The following LIFR variants were observed in gnomAD, a reference collection of about 807,000 sequenced individuals.
LIFR encodes LIF receptor subunit alpha.
In LIFR, 84 loss-of-function variants were observed where a neutral mutation model predicts 122.2. That is an observed-to-expected ratio of 0.69 (90% CI 0.58 to 0.82). LIFR has a LOEUF of 0.82. Ranked by LOEUF, LIFR falls within the 40% of genes least tolerant of loss-of-function variation. LIFR has a pLI of 0.00. For synonymous variants in LIFR, 422 were observed against 434.7 expected, an observed-to-expected ratio of 0.97 and a Z score of 0.36; for missense variants, 1,294 against 1,311.6, an observed-to-expected ratio of 0.99 and a Z score of 0.21.
At chr5:38,509,562 AT>A (rs1265935190) in intron 7 of LIFR, among the ~76,000 whole-genome samples, 1 of 152,188 alleles carries the variant, frequency 6.6e-6, no homozygotes, top group African/African-American at 2.4e-5. Context: ...GCTGAGAATC[AT>A]AAAAAGAAAG....
In LIFR at chr5:38,569,671, C is replaced by A. The variant is rs1263352725; in HGVS notation, c.-20+25590G>T. The stretch of plus-strand genomic sequence containing the variant: ...TCCCTGGTGCCAGAAAGTTTGGGGA[C>A]CGCTGCCCTACTGTGTGTCTTACAA... On this transcript the variant is annotated intron_variant, in intron 1 of 19. Transcript: ENST00000263409. 9.2e-5 allele frequency among the ~76,000 whole-genome samples: 14 copies of A among 152,268 alleles called. No individual in the cohort carries two copies. In the South Asian group the frequency reaches 2.9e-3, roughly 32 times the overall value.
intron 7 of LIFR, among the ~76,000 whole-genome samples, chr5:38,508,871 AC>A (rs1745643059): frequency 6.6e-6 from 1 of 152,196 alleles, no homozygotes; most frequent in South Asian, 2.1e-4. Flanking sequence ...GGCGTAAGCC[AC>A]CACACCCGGC....
In LIFR at chr5:38,539,378, CCCTT is replaced by C. The variant is rs1378432572; in HGVS notation, c.-19-8716_-19-8713del. On this transcript the variant is annotated intron_variant, in intron 1 of 19. Coordinates refer to ENST00000453190, the MANE Select transcript of LIFR (RefSeq NM_001127671.2). ...CCAGGTATTATGGAAATCATTCTCT[CCCTT>C]CCTTCCACCCTCTTTTCCACTATAA... 7.2e-5 allele frequency among the ~76,000 whole-genome samples: 11 copies of C among 152,296 alleles called. No individual in the cohort carries two copies. The East Asian group carries it at 2.1e-3, about 29-fold the overall frequency.
At chr5:38,491,278 A>G (rs988949234) in intron 14 of LIFR, among the ~76,000 whole-genome samples, 1 of 152,244 alleles carries the variant, frequency 6.6e-6, no homozygotes, top group African/African-American at 2.4e-5. Flanking sequence ...CAATGTGTAC[A>G]ATGTGAGCAA....
At chr5:38,572,095 T>A (rs922710477) in intron 1 of LIFR, among the ~76,000 whole-genome samples, 6 of 152,232 alleles carry the variant, frequency 3.9e-5, no homozygotes, top group Non-Finnish European at 7.3e-5. Context: ...TTGTCTTTAC[T>A]TGTATATTAG....
At chr5:38,506,809 AT>A (rs1294255070) in intron 7 of LIFR, among the ~76,000 whole-genome samples, 177 bp from the exon 8 acceptor site, 1 of 152,222 alleles carries the variant, frequency 6.6e-6, no homozygotes, top group Non-Finnish European at 1.5e-5. Context: ...GTCAGAGTTC[AT>A]ATTACATTAG....
rs1474205046 is a variant in LIFR at position 38,506,075 on chromosome 5, C to A, written c.1122-1G>T. ...AAGTCTAACATATTTTCCTGAAAAA[C>A]TGTTAATTAACAGAAAAATAATTTC... On this transcript the variant is annotated splice_acceptor_variant, in intron 8 of 19. Coordinates refer to ENST00000453190, the MANE Select transcript of LIFR (RefSeq NM_001127671.2). LOFTEE classifies it high-confidence loss of function. 6.3e-7 allele frequency: 1 copy of A among 1,580,836 alleles called. No individual in the cohort carries two copies. The highest frequency in any genetic ancestry group is 8.7e-7 in the Non-Finnish European group (1 of 1,156,048).
intron 4 of LIFR, among the ~76,000 whole-genome samples, chr5:38,526,373 T>C (rs1173909456): frequency 6.6e-6 from 1 of 152,048 alleles, no homozygotes; most frequent in Non-Finnish European, 1.5e-5. Context: ...AAAAATCTTA[T>C]GAAGAATTTT....
At chr5:38,575,197 C>G (rs990726754) in intron 1 of LIFR, among the ~76,000 whole-genome samples, 1 of 152,100 alleles carries the variant, frequency 6.6e-6, no homozygotes, top group Non-Finnish European at 1.5e-5. Context: ...CTATTTGATT[C>G]CACTTAGAAA....
chr5:38,590,619 C>T (rs764695607), intron 1 of LIFR, among the ~76,000 whole-genome samples: 4 of 152,134 alleles, frequency 2.6e-5, no homozygotes, highest in African/African-American at 4.8e-5. Flanking sequence ...GCATGTCCAC[C>T]GCCACCATCA....
At position 38,554,828 on chromosome 5, in the gene LIFR, A is replaced by T. The variant is rs938175137; in HGVS notation, c.-20+1506T>A. On this transcript the variant is annotated intron_variant, in intron 1 of 19. Coordinates refer to ENST00000453190, the MANE Select transcript of LIFR (RefSeq NM_001127671.2). Reference sequence around the variant, plus strand: ...TGAATAGATTACCTGCTGCACAATTAATGTAAGAAAAATGCACACTATTAC... The same window carrying T: ...TGAATAGATTACCTGCTGCACAATTTATGTAAGAAAAATGCACACTATTAC... Among the ~76,000 whole-genome samples the T allele has an allele frequency of 2.6e-5, 4 of 152,286 alleles. No homozygotes were observed. The South Asian group carries it at 6.2e-4, about 24-fold the overall frequency.
At chr5:38,512,857 C>G (rs1331317934) in intron 5 of LIFR, among the ~76,000 whole-genome samples, 1 of 152,030 alleles carries the variant, frequency 6.6e-6, no homozygotes, top group African/African-American at 2.4e-5. Context: ...GTTGCACTTT[C>G]AAAAGCTTAA....
intron 4 of LIFR, 124 bp from the exon 5 acceptor site, chr5:38,523,706 A>T (rs1746526998): frequency 1.2e-6 from 1 of 808,888 alleles, no homozygotes; most frequent in East Asian, 2.5e-5. Context: ...AATAATCAAG[A>T]TTTAAAAGGA....
Position 38,570,152 on chromosome 5 carries a change from A to C in LIFR, c.-20+25109T>G, listed in dbSNP as rs543127912. The stretch of plus-strand genomic sequence containing the variant: ...ATACCTTAACTTGCCCGTCTGTAAA[A>C]TGAAGATAATAATCCCACCCAGTTC... On this transcript the variant is annotated intron_variant, in intron 1 of 19. Transcript: ENST00000263409. Among the ~76,000 whole-genome samples the C allele has an allele frequency of 2.6e-4, 39 of 151,554 alleles. 1 individual carries two copies. Among genetic ancestry groups the C allele is most frequent in the East Asian group, 3.9e-4 (2 of 5,180 alleles).
At position 38,489,224 on chromosome 5, in the gene LIFR, A is replaced by G; in HGVS notation, c.2189T>C (p.Phe730Ser). Residue 730 changes from phenylalanine (F) to serine (S), a missense_variant, in exon 16 of 20, where the codon TTT (phenylalanine) becomes TCT (serine). Coordinates refer to ENST00000453190, the MANE Select transcript of LIFR (RefSeq NM_001127671.2). ...ATCTGCAGAAGTATCCTCAACAGTAAAATTTGGTGCAACAATGGGAGCTGT... is the reference window on the plus strand; with the variant it reads ...ATCTGCAGAAGTATCCTCAACAGTAGAATTTGGTGCAACAATGGGAGCTGT... ...EELAPIVAPN[F>S]TVEDTSADSI... is the part of the protein sequence containing the mutation. The G allele has an allele frequency of 6.2e-7, 1 of 1,613,080 alleles. No homozygotes were observed. Among genetic ancestry groups the G allele is most frequent in the Non-Finnish European group, 8.5e-7 (1 of 1,179,684 alleles).
At chr5:38,607,474 C>G (rs1314727128) in intron 1 of LIFR, 1 of 151,980 alleles carries the variant, frequency 6.6e-6, no homozygotes, top group Non-Finnish European at 1.5e-5. Flanking sequence ...TCACTCCCAG[C>G]CTTCTGTTTT....
At chr5:38,547,271 C>T (rs979694388) in intron 1 of LIFR, among the ~76,000 whole-genome samples, 2 of 152,208 alleles carry the variant, frequency 1.3e-5, no homozygotes, top group African/African-American at 2.4e-5. Flanking sequence ...AAGTCTCACA[C>T]GTATCTTAAA....
chr5:38,489,562 T>C (rs924637813), intron 15 of LIFR, among the ~76,000 whole-genome samples: 1 of 152,198 alleles, frequency 6.6e-6, no homozygotes, highest in African/African-American at 2.4e-5. Context: ...TTTCACATCT[T>C]TATTGATAGT....
Position 38,577,834 on chromosome 5 carries a change from T to C in LIFR, c.-20+17427A>G, listed in dbSNP as rs78759763. Among the ~76,000 whole-genome samples the C allele has an allele frequency of 9.9e-3, 1,502 of 152,304 alleles. 24 individuals carry two copies. The highest frequency in any genetic ancestry group is 0.033 in the African/African-American group (1,382 of 41,572). ...TTAGAATCAGGCTTTTTGAACAACA[T>C]AGGCATTTAAGCATGAAAGTATCAT... On this transcript the variant is annotated intron_variant, in intron 1 of 19. Transcript: ENST00000263409.
Sources: gnomAD v4.1 joint callset for allele counts (sites outside exome capture counted in the v4.1 genomes callset) on GRCh38, gnomAD v4.1.1 for gene constraint, MANE v1.5 for transcripts, NCBI Gene and HGNC (gene_info 2026-07-23, HGNC 2026-07-21) for gene names.